Variants in BMPR1B observed in about 807,000 individuals in gnomAD.
BMPR1B encodes the protein bone morphogenetic protein receptor type-1B.
A neutral mutation model predicts 59.1 loss-of-function variants in BMPR1B; 12 were observed. That is an observed-to-expected ratio of 0.20 (90% CI 0.13 to 0.33). The LOEUF is 0.33. Among genes scored for constraint, BMPR1B ranks in the 10% least tolerant of loss-of-function variants. The pLI, the probability that BMPR1B is intolerant of heterozygous loss-of-function variation, is 1.00. For missense variants in BMPR1B, 550 were observed against 610.9 expected (o/e 0.90, Z 1.05); for synonymous variants, 237 against 207.3 (o/e 1.14, Z -1.23).
At chr4:94,902,079 GTGT>G (rs1560538949) in intron 2 of BMPR1B, among the ~76,000 whole-genome samples, 33 of 137,318 alleles carry the variant, frequency 2.4e-4, no homozygotes, top group Admixed American at 4.7e-4. Context: ...GTGTGTGTGT[GTGT>G]GTGTGGGGTG....
chr4:94,871,179 C>A lies in BMPR1B; in HGVS notation c.-182-4652C>A, dbSNP rs192998904. On this transcript the variant is annotated intron_variant, in intron 1 of 12. Transcript: ENST00000515059. ...AGTAAACATAAAGCTAGAATTCATA[C>A]CCAAGGACTGCCTGACTCCAAGACC... is the stretch of plus-strand genomic sequence containing the variant. 1.3e-4 allele frequency among the ~76,000 whole-genome samples: 20 copies of A among 152,244 alleles called. No individual in the cohort carries two copies. In the East Asian group the frequency reaches 3.9e-3, roughly 29 times the overall value.
chr4:94,856,343 T>C (rs1232361633), intron 1 of BMPR1B, among the ~76,000 whole-genome samples: 2 of 152,118 alleles, frequency 1.3e-5, no homozygotes, highest in African/African-American at 4.8e-5. Context: ...CTGTTCCATA[T>C]GTCTCTATTC....
chr4:94,760,190 T>C (rs1721705917), intron 1 of BMPR1B, among the ~76,000 whole-genome samples: 1 of 152,238 alleles, frequency 6.6e-6, no homozygotes, highest in Non-Finnish European at 1.5e-5. Context: ...CATCACTATT[T>C]ATAGGGGCTT....
chr4:95,104,977 C>T (rs1442071046), intron 4 of BMPR1B, among the ~76,000 whole-genome samples: 1 of 152,046 alleles, frequency 6.6e-6, no homozygotes, highest in Non-Finnish European at 1.5e-5. Context: ...GGAAAGAACA[C>T]CTAAGCTGCT....
chr4:94,845,713 A>G (rs1725297280), intron 1 of BMPR1B, among the ~76,000 whole-genome samples: 1 of 152,228 alleles, frequency 6.6e-6, no homozygotes, highest in East Asian at 1.9e-4. Context: ...TCTTTCAGTC[A>G]CAAGCTAAAG....
chr4:95,018,853 T>G (rs745631436), intron 3 of BMPR1B, among the ~76,000 whole-genome samples: 10 of 152,218 alleles, frequency 6.6e-5, no homozygotes, highest in Non-Finnish European at 1.2e-4. Context: ...CTGTGTTTAC[T>G]GATCCTTTTC....
intron 3 of BMPR1B, among the ~76,000 whole-genome samples, chr4:95,012,021 A>AAAC (rs1373585791): frequency 2.8e-4 from 42 of 152,044 alleles, no homozygotes; most frequent in African/African-American, 9.6e-4. Flanking sequence ...TCTGTGTCAA[A>AAAC]AACAACAACA....
intron 1 of BMPR1B, among the ~76,000 whole-genome samples, chr4:94,769,378 A>G (rs940167277): frequency 6.6e-6 from 1 of 152,184 alleles, no homozygotes; most frequent in Admixed American, 6.5e-5. Context: ...TGGGAGGCCG[A>G]GGTGGGTGGA....
At chr4:94,992,550 A>G (rs1338264179) in intron 2 of BMPR1B, among the ~76,000 whole-genome samples, 2 of 152,224 alleles carry the variant, frequency 1.3e-5, no homozygotes, top group Non-Finnish European at 1.5e-5. Context: ...CCATCTGCCA[A>G]TGTTGTTTTT....
intron 1 of BMPR1B, among the ~76,000 whole-genome samples, chr4:94,825,597 G>T (rs1401470667): frequency 6.6e-6 from 1 of 152,064 alleles, no homozygotes; most frequent in Non-Finnish European, 1.5e-5. Flanking sequence ...TGGCAGACTT[G>T]CCTTCTCATT....
chr4:94,873,468 G>A (rs1267984156), intron 1 of BMPR1B, among the ~76,000 whole-genome samples: 5 of 150,822 alleles, frequency 3.3e-5, no homozygotes, highest in African/African-American at 7.4e-5. Context: ...ATGCAGTGGC[G>A]CGATCTCGGC....
At chr4:94,770,997 C>G in intron 1 of BMPR1B, among the ~76,000 whole-genome samples, 1 of 151,490 alleles carries the variant, frequency 6.6e-6, no homozygotes, top group East Asian at 1.9e-4. Context: ...AGAAATTTGT[C>G]AAATTGCTAA....
At chr4:94,953,404 T>G (rs55642118) in intron 2 of BMPR1B, among the ~76,000 whole-genome samples, 2,966 of 152,276 alleles carry the variant, frequency 0.019, 93 homozygotes, top group African/African-American at 0.067. Flanking sequence ...GGTACCGGTT[T>G]TTCCTTTCCA....
intron 2 of BMPR1B, among the ~76,000 whole-genome samples, chr4:94,953,834 A>G (rs1730043247): frequency 6.6e-6 from 1 of 152,084 alleles, no homozygotes. Flanking sequence ...TCTCCTGGAT[A>G]ATATCCTGAA....
intron 3 of BMPR1B, among the ~76,000 whole-genome samples, chr4:95,074,098 GT>G (rs143363287): frequency 4.8e-5 from 7 of 147,252 alleles, no homozygotes; most frequent in Admixed American, 2.7e-4. Context: ...CTTGGTAAGT[GT>G]TTTTTTTTTA....
intron 3 of BMPR1B, among the ~76,000 whole-genome samples, chr4:95,065,329 GT>G (rs1727718746): frequency 6.6e-6 from 1 of 152,092 alleles, no homozygotes; most frequent in Non-Finnish European, 1.5e-5. Context: ...ATATGGTTTT[GT>G]TTTTGAGGGG....
At position 94,841,222 on chromosome 4, in the gene BMPR1B, C is replaced by G. The variant is rs953002238; in HGVS notation, c.-182-34609C>G. On this transcript the variant is annotated intron_variant, in intron 1 of 12. Transcript: ENST00000515059. ...AGGTTACTGCTGTCTTTTTGTTTGT[C>G]TGTGCCCTGCCCCCAGAGGTGGAGC... is the stretch of plus-strand genomic sequence containing the variant. Among the ~76,000 whole-genome samples the G allele has an allele frequency of 1.0e-4, 15 of 149,344 alleles. 1 individual carries two copies. The highest frequency in any genetic ancestry group is 2.1e-4 in the South Asian group (1 of 4,696).
intron 1 of BMPR1B, among the ~76,000 whole-genome samples, chr4:94,835,960 C>A (rs2148928725): frequency 7.0e-6 from 1 of 142,822 alleles, no homozygotes; most frequent in East Asian, 2.1e-4. Flanking sequence ...CTTCCTGTGT[C>A]CATGTGATCT....
intron 6 of BMPR1B, among the ~76,000 whole-genome samples, chr4:95,116,415 G>GCACACACACACACA (rs1491178901): frequency 3.8e-4 from 26 of 67,896 alleles, no homozygotes; most frequent in African/African-American, 1.8e-3. Context: ...CATGCTTTCA[G>GCACACACACACACA]CGCGCGCACA....
Sources: allele counts gnomAD v4.1 joint callset (sites outside exome capture counted in the v4.1 genomes callset), GRCh38; gene constraint gnomAD v4.1.1; transcripts MANE v1.5; gene names NCBI Gene and HGNC (gene_info 2026-07-23, HGNC 2026-07-21).